RORA: variants seen among roughly 807,000 people sequenced by gnomAD.
RORA encodes the protein nuclear receptor ROR-alpha.
In RORA, 7 loss-of-function variants were observed where a neutral mutation model predicts 69.5. The ratio of observed to expected loss-of-function variants is 0.10; its 90% confidence interval spans 0.06 to 0.19. The LOEUF is 0.19. Ranked by LOEUF, RORA falls within the 10% of genes least tolerant of loss-of-function variation. The pLI, the probability that RORA is intolerant of heterozygous loss-of-function variation, is 1.00. For missense variants in RORA, 457 were observed against 663.0 expected (o/e 0.69, Z 3.41); for synonymous variants, 261 against 240.8 (o/e 1.08, Z -0.78).
chr15:60,724,369 C>G (rs559503367), intron 1 of RORA, among the ~76,000 whole-genome samples: 1 of 151,760 alleles, frequency 6.6e-6, no homozygotes, highest in Non-Finnish European at 1.5e-5. Context: ...AATTATTATC[C>G]CTATCATAGT....
intron 1 of RORA, among the ~76,000 whole-genome samples, chr15:61,045,626 G>T (rs1445336421): frequency 6.6e-6 from 1 of 152,114 alleles, no homozygotes; most frequent in Admixed American, 6.5e-5. Flanking sequence ...AGGTATAGAG[G>T]GGAGAAGAAG....
At chr15:60,676,610 T>G (rs1420875791) in intron 2 of RORA, among the ~76,000 whole-genome samples, 1 of 152,200 alleles carries the variant, frequency 6.6e-6, no homozygotes, top group East Asian at 1.9e-4. Flanking sequence ...TTTTCACAGT[T>G]AGAAAGGCAC....
At chr15:61,227,387 C>T (rs991382991) in intron 1 of RORA, among the ~76,000 whole-genome samples, 18 of 152,140 alleles carry the variant, frequency 1.2e-4, no homozygotes, top group African/African-American at 3.9e-4. Context: ...GGTCCAGGCC[C>T]CCAGCCCTCA....
rs1566915289 is a variant in RORA, at chr15:60,935,195, G to C, written c.167-256509C>G. On this transcript the variant is annotated intron_variant, in intron 1 of 10. Transcript: ENST00000335670. The stretch of plus-strand genomic sequence containing the variant: ...CCATCAAAAAGTGAAGAATTGGCTT[G>C]CCAACCAGTCATTTGTTCCTGCACT... 3.9e-5 allele frequency among the ~76,000 whole-genome samples: 6 copies of C among 152,328 alleles called. No individual in the cohort carries two copies. The East Asian group carries it at 9.6e-4, about 24-fold the overall frequency.
chr15:60,979,374 T>C (rs1330286766), intron 1 of RORA, among the ~76,000 whole-genome samples: 1 of 151,290 alleles, frequency 6.6e-6, no homozygotes, highest in Non-Finnish European at 1.5e-5. Context: ...TCAGCTTGAA[T>C]TTTAGGGTCA....
intron 1 of RORA, among the ~76,000 whole-genome samples, chr15:61,141,757 A>T (rs1051283165): frequency 9.2e-5 from 14 of 152,196 alleles, no homozygotes; most frequent in Non-Finnish European, 2.9e-5. Flanking sequence ...GCAGGCCCCT[A>T]CCTACTGCTT....
Position 60,531,913 on chromosome 15 carries a change from C to T in RORA, c.197-62G>A. 2 of 930,978 alleles carry T rather than the reference C, an allele frequency of 2.1e-6. No homozygotes were observed. The highest frequency in any genetic ancestry group is 2.3e-5 in the Admixed American group (1 of 44,276). The allele number at this position is 930,978 out of a possible 1,614,324, so 57.7% of individuals were successfully genotyped here. On this transcript the variant is annotated intron_variant, in intron 2 of 10. Transcript: ENST00000335670. This position sits in a 1 kb window ranked among gnomAD's most constrained non-coding sequence, Gnocchi z 4.8. The stretch of plus-strand genomic sequence containing the variant: ...CTTTTAAACACCTTATAAAAGCGTT[C>T]CCTGATCAGCATTTGTATAGTGAAA...
intron 1 of RORA, among the ~76,000 whole-genome samples, chr15:60,925,126 T>C (rs2140493574): frequency 7.2e-6 from 1 of 138,132 alleles, no homozygotes; most frequent in Non-Finnish European, 1.5e-5. Flanking sequence ...TAAAATAAAA[T>C]AAAATAAAAT....
intron 1 of RORA, among the ~76,000 whole-genome samples, chr15:60,752,457 C>CCCCTTTG (rs1256501477): frequency 6.6e-6 from 1 of 152,048 alleles, no homozygotes; most frequent in African/African-American, 2.4e-5. Context: ...ATTTTAGTGG[C>CCCCTTTG]TCCCCTTTGA....
At chr15:60,979,124 G>A (rs1187068506) in intron 1 of RORA, among the ~76,000 whole-genome samples, 1 of 151,480 alleles carries the variant, frequency 6.6e-6, no homozygotes, top group Non-Finnish European at 1.5e-5. Context: ...ACCATGCCTG[G>A]CTAATTTTTT....
At chr15:60,570,415 G>A (rs2067844813) in intron 2 of RORA, among the ~76,000 whole-genome samples, 1 of 152,110 alleles carries the variant, frequency 6.6e-6, no homozygotes, top group Non-Finnish European at 1.5e-5. Context: ...CTGCAGACTT[G>A]ACTTCCCCAG....
At chr15:60,556,760 G>A (rs988385501) in intron 2 of RORA, 5 of 897,484 alleles carry the variant, frequency 5.6e-6, no homozygotes, top group Admixed American at 4.3e-5. Flanking sequence ...CTGGTTCTGC[G>A]GGAGGCTCCA....
intron 1 of RORA, among the ~76,000 whole-genome samples, chr15:60,837,948 A>G (rs1467751356): frequency 6.6e-6 from 1 of 152,148 alleles, no homozygotes; most frequent in Non-Finnish European, 1.5e-5. Context: ...CTAGCATGGG[A>G]GCTGGCAGAG....
rs116460303 is a variant in RORA, at chr15:61,171,374, G to A, written c.166+57679C>T. On this transcript the variant is annotated intron_variant, in intron 1 of 10. Coordinates refer to ENST00000335670, the MANE Select transcript of RORA (RefSeq NM_134261.3). Reference sequence around the variant, plus strand: ...CTGGCATGTGTCACAATGACCTGGAGAGCCTGCTAAGCCAGACTGTTGGCC... The same window carrying A: ...CTGGCATGTGTCACAATGACCTGGAAAGCCTGCTAAGCCAGACTGTTGGCC... 7.7e-3 allele frequency among the ~76,000 whole-genome samples: 1,176 copies of A among 152,294 alleles called. 23 individuals carry two copies. The highest frequency in any genetic ancestry group is 0.027 in the African/African-American group (1,130 of 41,558).
intron 2 of RORA, among the ~76,000 whole-genome samples, chr15:60,659,591 T>C (rs2070272764): frequency 6.6e-6 from 1 of 152,194 alleles, no homozygotes; most frequent in Non-Finnish European, 1.5e-5. Flanking sequence ...GCATACACTT[T>C]ATATAGTTCA....
At chr15:61,133,214 A>G (rs1201848402) in intron 1 of RORA, among the ~76,000 whole-genome samples, 1 of 152,120 alleles carries the variant, frequency 6.6e-6, no homozygotes, top group African/African-American at 2.4e-5. Context: ...AATATCGATC[A>G]GGTAATATAT....
intron 1 of RORA, among the ~76,000 whole-genome samples, chr15:61,102,395 T>C (rs1267102543): frequency 2.6e-5 from 4 of 152,176 alleles, no homozygotes; most frequent in Non-Finnish European, 5.9e-5. Context: ...AGAAAAGCCC[T>C]GCTTCCCATT....
At chr15:61,112,786 G>A (rs2079018256) in intron 1 of RORA, among the ~76,000 whole-genome samples, 1 of 152,190 alleles carries the variant, frequency 6.6e-6, no homozygotes, top group African/African-American at 2.4e-5. Flanking sequence ...AGGTGAGAGT[G>A]CCCCTCGGGG....
chr15:60,493,202 A>G lies in RORA; in HGVS notation c.*4253T>C, dbSNP rs190799332. On this transcript the variant is annotated 3_prime_UTR_variant, in exon 11 of 11. Coordinates refer to ENST00000335670, the MANE Select transcript of RORA (RefSeq NM_134261.3). ...GAAGGACATATGATTTAAACAATCA[A>G]TGTTGGAAACAGTGGCTTTAGGATT... 3.9e-5 allele frequency: 6 copies of G among 152,326 alleles called. No homozygotes were observed. Among genetic ancestry groups the G allele is most frequent in the African/African-American group, 9.6e-5 (4 of 41,578 alleles). The allele number at this position is 152,326 out of a possible 1,614,324, so 9.4% of individuals were successfully genotyped here. A position where few individuals can be genotyped will look rare whatever the true frequency, so the allele number is the denominator to read the frequency against.
Sources: gnomAD v4.1 joint callset for allele counts (sites outside exome capture counted in the v4.1 genomes callset) on GRCh38, gnomAD v4.1.1 for gene constraint, Gnocchi (gnomAD v3.1) non-coding constraint, MANE v1.5 for transcripts, NCBI Gene and HGNC (gene_info 2026-07-23, HGNC 2026-07-21) for gene names.